The following SOX5 variants were observed in gnomAD, a reference collection of about 807,000 sequenced individuals.
SOX5 encodes SRY-box transcription factor 5.
A neutral mutation model predicts 92.0 loss-of-function variants in SOX5; 9 were observed. That is an observed-to-expected ratio of 0.10 (90% CI 0.06 to 0.17). The LOEUF (loss-of-function observed/expected upper bound fraction) is 0.17, where lower values mean the gene tolerates loss of function less well. Ranked by LOEUF, SOX5 falls within the 10% of genes least tolerant of loss-of-function variation. The pLI is 1.00. For synonymous variants in SOX5, 344 were observed against 336.3 expected (o/e 1.02, Z -0.25); for missense variants, 642 against 944.5 (o/e 0.68, Z 4.20).
intron 9 of SOX5, among the ~76,000 whole-genome samples, chr12:23,578,127 A>T (rs1416162874): frequency 1.4e-5 from 1 of 69,676 alleles, no homozygotes; most frequent in Non-Finnish European, 3.4e-5. Flanking sequence ...CAAAAAAAAA[A>T]AAAAAAAAAA....
At chr12:23,548,687 A>G (rs1943622006) in intron 11 of SOX5, among the ~76,000 whole-genome samples, 1 of 152,038 alleles carries the variant, frequency 6.6e-6, no homozygotes, top group Non-Finnish European at 1.5e-5. Flanking sequence ...GAAGAAAAAG[A>G]AACTGATGTG....
At chr12:24,460,732 G>A (rs1013808168) in intron 1 of SOX5, 6 of 152,128 alleles carry the variant, frequency 3.9e-5, no homozygotes, top group Admixed American at 1.3e-4. Context: ...TCTTTTTGAC[G>A]GTGTGTTAAG....
intron 10 of SOX5, 24 bp from the exon 11 acceptor site, chr12:23,563,427 A>T: frequency 6.2e-7 from 1 of 1,608,282 alleles, no homozygotes; most frequent in Non-Finnish European, 8.5e-7. Flanking sequence ...AGATCAAAGG[A>T]TATCTTTTGT....
At chr12:24,087,351 C>G (rs1031827602) in intron 4 of SOX5, among the ~76,000 whole-genome samples, 3 of 151,986 alleles carry the variant, frequency 2.0e-5, no homozygotes, top group Non-Finnish European at 4.4e-5. Context: ...CACTGTTACA[C>G]GTACATTCAA....
At chr12:23,745,983 G>A (rs992982489) in intron 4 of SOX5, among the ~76,000 whole-genome samples, 3 of 152,130 alleles carry the variant, frequency 2.0e-5, no homozygotes, top group African/African-American at 7.2e-5. Flanking sequence ...AAAGAATACA[G>A]CCGCTTCCCT....
chr12:24,376,476 T>C (rs533112849), intron 1 of SOX5, among the ~76,000 whole-genome samples: 2 of 152,224 alleles, frequency 1.3e-5, no homozygotes, highest in South Asian at 2.1e-4. Context: ...AATTCATGAA[T>C]ATAGGCACCA....
chr12:24,536,411 G>A (rs1276294183), intron 1 of SOX5, among the ~76,000 whole-genome samples: 2 of 152,102 alleles, frequency 1.3e-5, no homozygotes, highest in Admixed American at 6.5e-5. Flanking sequence ...CTTCAAAAGC[G>A]CTCCTTGCAA....
chr12:23,993,518 T>C (rs1417760881), intron 4 of SOX5, among the ~76,000 whole-genome samples: 13 of 152,110 alleles, frequency 8.5e-5, no homozygotes, highest in Non-Finnish European at 4.4e-5. Context: ...TCTCAGACTG[T>C]CAACATGCCA....
intron 4 of SOX5, among the ~76,000 whole-genome samples, chr12:23,983,105 ATTT>A (rs62869160): frequency 1.4e-5 from 2 of 145,130 alleles, no homozygotes; most frequent in Non-Finnish European, 3.0e-5. Flanking sequence ...TCTGGAGTCC[ATTT>A]TTTTTTTTTT....
At chr12:24,354,106 G>C (rs1018158746) in intron 2 of SOX5, among the ~76,000 whole-genome samples, 1 of 152,158 alleles carries the variant, frequency 6.6e-6, no homozygotes, top group African/African-American at 2.4e-5. Flanking sequence ...TGAAATTATA[G>C]ACTGTGAAAA....
chr12:23,810,259 G>A (rs1047476140), intron 3 of SOX5, among the ~76,000 whole-genome samples: 1 of 152,130 alleles, frequency 6.6e-6, no homozygotes, highest in Non-Finnish European at 1.5e-5. Context: ...AGTGTGGCAT[G>A]CAGCACACGG....
At position 23,878,280 on chromosome 12, in the gene SOX5, G is replaced by A. The variant is rs138253521; in HGVS notation, c.270+17513C>T. On this transcript the variant is annotated intron_variant, in intron 2 of 14. Coordinates refer to ENST00000451604, the MANE Select transcript of SOX5 (RefSeq NM_006940.6). ...CCCAATCTCCACATCTTGGTGTTCC[G>A]CCTCATCCATTTGTCAAAGAGAAAC... is the stretch of plus-strand genomic sequence containing the variant. 5.2e-3 allele frequency among the ~76,000 whole-genome samples: 790 copies of A among 151,850 alleles called. 4 individuals are homozygous for A. The highest frequency in any genetic ancestry group is 8.4e-3 in the Non-Finnish European group (571 of 67,866).
intron 9 of SOX5, among the ~76,000 whole-genome samples, chr12:23,589,280 A>G (rs1472567447): frequency 6.6e-6 from 1 of 151,934 alleles, no homozygotes; most frequent in Non-Finnish European, 1.5e-5. Context: ...TGAACTATCA[A>G]TTAAACAATA....
chr12:24,098,441 C>G lies in SOX5; in HGVS notation c.-2+114902G>C, dbSNP rs1329557367. On this transcript the variant is annotated intron_variant, in intron 4 of 4. Transcript: ENST00000446891. ...TTTTCAATTGCTTGGAAATTAGTAT[C>G]AAGTTGACCCTTTAACTGAGTTGAT... Among the ~76,000 whole-genome samples, 9 of 152,226 alleles carry G rather than the reference C, an allele frequency of 5.9e-5. No homozygotes were observed. The South Asian group carries it at 1.9e-3, about 32-fold the overall frequency.
intron 4 of SOX5, among the ~76,000 whole-genome samples, chr12:24,055,414 T>C (rs1382405178): frequency 1.3e-5 from 2 of 152,212 alleles, no homozygotes; most frequent in Non-Finnish European, 2.9e-5. Flanking sequence ...AAGAAGTCAA[T>C]GTCATACCTC....
intron 6 of SOX5, among the ~76,000 whole-genome samples, chr12:23,691,265 C>A (rs528107457): frequency 2.6e-5 from 4 of 152,080 alleles, no homozygotes; most frequent in Admixed American, 6.5e-5. Flanking sequence ...TTATTTCTTA[C>A]GTCACACTAT....
At chr12:24,093,162 A>G (rs1369041737) in intron 4 of SOX5, among the ~76,000 whole-genome samples, 4 of 152,188 alleles carry the variant, frequency 2.6e-5, no homozygotes, top group Admixed American at 6.5e-5. Context: ...TGATGTACTA[A>G]TCAATACTTT....
intron 2 of SOX5, among the ~76,000 whole-genome samples, chr12:24,354,270 C>T (rs1954510922): frequency 1.3e-5 from 2 of 152,112 alleles, no homozygotes; most frequent in African/African-American, 4.8e-5. Flanking sequence ...AGAAAACAAA[C>T]AAACAAAAAA....
At chr12:23,796,445 T>C (rs1181703983) in intron 3 of SOX5, among the ~76,000 whole-genome samples, 1 of 152,116 alleles carries the variant, frequency 6.6e-6, no homozygotes, top group African/African-American at 2.4e-5. Flanking sequence ...AGGTCACATA[T>C]TCATAGCTGA....
Sources: gnomAD v4.1 joint callset for allele counts (sites outside exome capture counted in the v4.1 genomes callset) on GRCh38, gnomAD v4.1.1 for gene constraint, MANE v1.5 for transcripts, NCBI Gene and HGNC (gene_info 2026-07-23, HGNC 2026-07-21) for gene names.